The following CASP6 variants were observed in gnomAD, a reference collection of about 807,000 sequenced individuals.
CASP6 encodes caspase-6.
Under a neutral mutation model 31.8 loss-of-function variants are expected in CASP6, and 20 were observed. The ratio of observed to expected loss-of-function variants is 0.63; its 90% CI spans 0.44 to 0.91. CASP6 has a LOEUF of 0.91. Among genes scored for constraint, CASP6 ranks in the 40% least tolerant of loss-of-function variants. The probability of loss-of-function intolerance (pLI) is 0.00; values close to 1 mark genes in which losing one functional copy is unlikely to be tolerated. For synonymous variants in CASP6, 130 were observed against 127.8 expected, an observed-to-expected ratio of 1.02 and a Z score of -0.12; for missense variants, 328 against 361.1, an observed-to-expected ratio of 0.91 and a Z score of 0.74.
At chr4:109,707,888 G>T (rs576304239), upstream of CASP6, among the ~76,000 whole-genome samples, 1 of 152,282 alleles carries the variant, frequency 6.6e-6, no homozygotes, top group South Asian at 2.1e-4. Flanking sequence ...GCTCCTCCTT[G>T]GGTGGTTGGC....
chr4:109,682,588 C>T, the CASP6 span: 611 of 1,600,258 alleles, frequency 3.8e-4, 1 homozygote, highest in Non-Finnish European at 4.8e-4. Context: ...TCAGAAAAAC[C>T]AAGTAATGAG....
chr4:109,678,483 GGGCAGAGGCGCTCCCCA>G, the CASP6 span, among the ~76,000 whole-genome samples: 2 of 145,088 alleles, frequency 1.4e-5, no homozygotes, highest in East Asian at 2.1e-4. Flanking sequence ...CGGGGCGGCC[GGGCAGAGGCGCTCCCCA>G]TTTCCCAGAT....
At chr4:109,699,044 T>C (rs1353962208) in intron 1 of CASP6, among the ~76,000 whole-genome samples, 1 of 152,208 alleles carries the variant, frequency 6.6e-6, no homozygotes, top group African/African-American at 2.4e-5. Flanking sequence ...TGGCCACATG[T>C]GTCTACTGAG....
At chr4:109,687,713 A>G (rs1729883046), downstream of CASP6, 1 of 671,872 alleles carries the variant, frequency 1.5e-6, no homozygotes, top group Non-Finnish European at 2.6e-6. Context: ...CTTGTAAAAC[A>G]GAAGTATTGT....
At chr4:109,685,130 A>G, downstream of CASP6, 2 of 598,920 alleles carry the variant, frequency 3.3e-6, no homozygotes, top group Non-Finnish European at 6.0e-6. Flanking sequence ...GCCATTGCAA[A>G]TATTTCACTC....
At chr4:109,708,669 C>G in the CASP6 span, among the ~76,000 whole-genome samples, 1 of 152,176 alleles carries the variant, frequency 6.6e-6, no homozygotes, top group Non-Finnish European at 1.5e-5. Context: ...CTGAAAAGAG[C>G]AGATGGAAGG....
chr4:109,694,342 T>C (rs939235657), intron 5 of CASP6, among the ~76,000 whole-genome samples, 183 bp downstream of exon 5: 23 of 152,220 alleles, frequency 1.5e-4, no homozygotes, highest in African/African-American at 4.1e-4. Context: ...TTTTGTAATA[T>C]AGACAATGAG....
At chr4:109,703,287 C>G in intron 1 of CASP6, 69 bp downstream of exon 1, 1 of 1,545,158 alleles carries the variant, frequency 6.5e-7, no homozygotes. Flanking sequence ...GGTCCACTAA[C>G]CCTCGTTTCC....
At chr4:109,684,530 G>A (rs769775945), downstream of CASP6, 4 of 1,613,468 alleles carry the variant, frequency 2.5e-6, no homozygotes, top group South Asian at 2.2e-5. Flanking sequence ...TCAGGGTGGG[G>A]CACTGGCCTG....
the CASP6 span, among the ~76,000 whole-genome samples, chr4:109,677,301 A>G: frequency 6.6e-6 from 1 of 152,184 alleles, no homozygotes; most frequent in African/African-American, 2.4e-5. Context: ...GTTTGATTTC[A>G]GACTCACAGC....
intron 1 of CASP6, among the ~76,000 whole-genome samples, chr4:109,699,774 C>T (rs5030544): frequency 6.6e-6 from 1 of 152,188 alleles, no homozygotes; most frequent in East Asian, 1.9e-4. Context: ...AGCACAGTAA[C>T]GAGGTACTTC....
chr4:109,684,767 G>A, downstream of CASP6: 2 of 591,268 alleles, frequency 3.4e-6, no homozygotes. Context: ...TTTATGAGCT[G>A]GTAAATTTTT....
At chr4:109,703,858 T>C (rs949850766), upstream of CASP6, among the ~76,000 whole-genome samples, 1 of 152,240 alleles carries the variant, frequency 6.6e-6, no homozygotes, top group Admixed American at 6.5e-5. Flanking sequence ...TTATACCGCT[T>C]AGCAGATACT....
chr4:109,666,695 G>A, the CASP6 span, among the ~76,000 whole-genome samples: 3 of 152,096 alleles, frequency 2.0e-5, no homozygotes, highest in East Asian at 3.8e-4. Context: ...TATCAGATAC[G>A]TCTTTTGCAA....
In CASP6 at chr4:109,697,645, T is replaced by C; in HGVS notation, c.207A>G (p.Ala69=). The part of the protein sequence containing the change: ...LTLPERRGTC[A]DRDNLTRRFS... ...ACCTGCGGGTAAGATTGTCTCTATC[T>C]GCGCAGGTGCCCCGCCTTTCTGGCA... is the stretch of plus-strand genomic sequence containing the variant. The change falls in exon 3 of 7, where the codon GCA becomes GCG. Residue 69 remains alanine (A), a synonymous_variant. Transcript: ENST00000265164. The C allele has an allele frequency of 1.2e-6, 2 of 1,611,934 alleles. No homozygotes were observed. The highest frequency in any genetic ancestry group is 1.7e-6 in the Non-Finnish European group (2 of 1,179,284).
intron 1 of CASP6, among the ~76,000 whole-genome samples, chr4:109,701,493 A>G (rs755769149): frequency 2.6e-5 from 4 of 151,648 alleles, no homozygotes; most frequent in Admixed American, 6.6e-5. Flanking sequence ...CAGTGGCGCA[A>G]TCTTGGCTCA....
chr4:109,696,585 A>C (rs1730246653), intron 3 of CASP6, 99 bp from the exon 4 acceptor site: 4 of 738,616 alleles, frequency 5.4e-6, no homozygotes. Flanking sequence ...CGACACATAA[A>C]TTTGCTTTCT....
chr4:109,689,642 A>G (rs1419425324), intron 6 of CASP6, 74 bp from the exon 7 acceptor site: 16 of 1,321,088 alleles, frequency 1.2e-5, no homozygotes, highest in Non-Finnish European at 1.2e-5. Context: ...TTTTAGTTAC[A>G]GAAGTATAAG....
downstream of CASP6, chr4:109,687,472 T>TCTC: frequency 2.2e-6 from 3 of 1,360,584 alleles, no homozygotes; most frequent in Non-Finnish European, 2.1e-6. Flanking sequence ...TTGGTATGTT[T>TCTC]CTCTTCTTTC....
Sources: allele counts gnomAD v4.1 joint callset (sites outside exome capture counted in the v4.1 genomes callset), GRCh38; gene constraint gnomAD v4.1.1; transcripts MANE v1.5; gene names NCBI Gene and HGNC (gene_info 2026-07-23, HGNC 2026-07-21).